Variants in CTNNA2 observed in about 807,000 individuals in gnomAD.
CTNNA2 encodes the protein catenin alpha-2.
Under a neutral mutation model 101.0 loss-of-function variants are expected in CTNNA2, and 42 were observed. That is an observed-to-expected ratio of 0.42 (90% confidence interval 0.32 to 0.54). CTNNA2 has a LOEUF of 0.54. CTNNA2 is among the 20% of genes least tolerant of loss of function. The pLI is 0.14. For synonymous variants in CTNNA2, 450 were observed against 456.4 expected, an observed-to-expected ratio of 0.99 and a Z score of 0.18; for missense variants, 871 against 1,223.1, an observed-to-expected ratio of 0.71 and a Z score of 4.29.
chr2:79,206,561 CT>C (rs1475461845), intron 2 of CTNNA2, among the ~76,000 whole-genome samples: 1 of 152,134 alleles, frequency 6.6e-6, no homozygotes, highest in Non-Finnish European at 1.5e-5. Flanking sequence ...ACCATTTTGA[CT>C]TCTGAATATT....
At chr2:79,293,148 G>C (rs1441812240) in intron 2 of CTNNA2, 2 of 152,190 alleles carry the variant, frequency 1.3e-5, no homozygotes, top group East Asian at 3.9e-4. Flanking sequence ...TGAGCTCTCA[G>C]AGCTGACCTC....
chr2:80,148,277 A>G (rs1232973648), intron 7 of CTNNA2, among the ~76,000 whole-genome samples: 1 of 152,236 alleles, frequency 6.6e-6, no homozygotes, highest in Non-Finnish European at 1.5e-5. Context: ...GGGGGTTACA[A>G]AAGTAGCATC....
chr2:80,019,366 T>C (rs936984972), intron 7 of CTNNA2, among the ~76,000 whole-genome samples: 1 of 152,162 alleles, frequency 6.6e-6, no homozygotes, highest in Non-Finnish European at 1.5e-5. Context: ...CAAGTATTAG[T>C]TTATTAAGGA....
At chr2:80,259,192 G>A (rs1351548521) in intron 7 of CTNNA2, among the ~76,000 whole-genome samples, 1 of 152,128 alleles carries the variant, frequency 6.6e-6, no homozygotes, top group African/African-American at 2.4e-5. Flanking sequence ...GCTGCTATGA[G>A]TAGCATTATG....
chr2:79,465,720 A>G (rs906770199), intron 4 of CTNNA2, among the ~76,000 whole-genome samples: 1 of 152,102 alleles, frequency 6.6e-6, no homozygotes, highest in Non-Finnish European at 1.5e-5. Flanking sequence ...TTGGATTCCT[A>G]GATATTTTAT....
intron 4 of CTNNA2, among the ~76,000 whole-genome samples, chr2:79,411,137 G>A (rs541335691): frequency 2.6e-5 from 4 of 152,008 alleles, no homozygotes; most frequent in South Asian, 2.1e-4. Flanking sequence ...CTGTGGGATC[G>A]GTGGTGATAT....
intron 9 of CTNNA2, among the ~76,000 whole-genome samples, chr2:80,445,178 T>G (rs1682965591): frequency 6.6e-6 from 1 of 152,026 alleles, no homozygotes; most frequent in South Asian, 2.1e-4. Flanking sequence ...TTTTTAATTT[T>G]TATTTATTTA....
chr2:79,763,220 T>TA, intron 3 of CTNNA2, among the ~76,000 whole-genome samples: 1 of 152,234 alleles, frequency 6.6e-6, no homozygotes, highest in South Asian at 2.1e-4. Context: ...AAAATGAAGT[T>TA]ATAAACTAAA....
chr2:79,569,752 G>T (rs1363070653), intron 1 of CTNNA2, among the ~76,000 whole-genome samples: 1 of 152,080 alleles, frequency 6.6e-6, no homozygotes, highest in African/African-American at 2.4e-5. Context: ...ACATATGTAG[G>T]CTCAGGCTTT....
chr2:80,213,465 T>C (rs1161163416), intron 7 of CTNNA2, among the ~76,000 whole-genome samples: 6 of 152,248 alleles, frequency 3.9e-5, no homozygotes, highest in Non-Finnish European at 8.8e-5. Flanking sequence ...CTTCATTTCA[T>C]TATGTACCCA....
intron 2 of CTNNA2, among the ~76,000 whole-genome samples, chr2:79,662,508 G>T (rs1682107284): frequency 6.6e-6 from 1 of 152,050 alleles, no homozygotes; most frequent in African/African-American, 2.4e-5. Flanking sequence ...TAACAAAATT[G>T]CTTTTAACTA....
In CTNNA2 at chr2:79,842,799, C is replaced by G. The variant is rs929192387; in HGVS notation, c.299-15214C>G. ...AAGTGCTTAGTATTTTGCCTGGTATCTACTAAGTACATTATAAAAGACAGC... is the reference window on the plus strand; with the variant it reads ...AAGTGCTTAGTATTTTGCCTGGTATGTACTAAGTACATTATAAAAGACAGC... On this transcript the variant is annotated intron_variant, in intron 3 of 18. Transcript: ENST00000402739. 4.6e-5 allele frequency among the ~76,000 whole-genome samples: 7 copies of G among 151,814 alleles called. No homozygotes were observed. In the East Asian group the frequency reaches 1.4e-3, roughly 29 times the overall value.
intron 4 of CTNNA2, among the ~76,000 whole-genome samples, chr2:79,381,739 A>G (rs541313818): frequency 6.6e-6 from 1 of 152,300 alleles, no homozygotes; most frequent in African/African-American, 2.4e-5. Flanking sequence ...GTGATCATTC[A>G]AAGCTCTCTG....
Position 80,265,556 on chromosome 2 carries a change from C to T in CTNNA2, c.1057-127655C>T, listed in dbSNP as rs1672944840. ...ATGATCAGAGTATAGTCTTGAGACC[C>T]TTCCCAAACCTGAGAGGTGACATAG... On this transcript the variant is annotated intron_variant, in intron 7 of 18. Coordinates refer to ENST00000402739, the MANE Select transcript of CTNNA2 (RefSeq NM_001282597.3). Among the ~76,000 whole-genome samples, 3 of 152,158 alleles carry T rather than the reference C, an allele frequency of 2.0e-5. No homozygotes were observed. In the South Asian group the frequency reaches 6.2e-4, roughly 32 times the overall value.
intron 1 of CTNNA2, among the ~76,000 whole-genome samples, chr2:79,631,456 A>G (rs1306713130): frequency 6.6e-6 from 1 of 152,156 alleles, no homozygotes; most frequent in African/African-American, 2.4e-5. Context: ...GCAGTACCTT[A>G]GTATTTATTG....
chr2:80,198,225 C>T lies in CTNNA2; in HGVS notation c.1057-194986C>T, dbSNP rs141004704. 3.2e-4 allele frequency among the ~76,000 whole-genome samples: 49 copies of T among 152,220 alleles called. No individual in the cohort carries two copies. In the East Asian group the frequency reaches 7.6e-3, roughly 23 times the overall value. On this transcript the variant is annotated intron_variant, in intron 7 of 18. Transcript: ENST00000402739. ...AGTATGACACCAGAGCACCTAAGGA[C>T]GCCTCAGGAAGTGAGCTCACCAGTT...
chr2:79,422,145 G>A (rs994433018), intron 4 of CTNNA2, among the ~76,000 whole-genome samples: 1 of 152,050 alleles, frequency 6.6e-6, no homozygotes, highest in Non-Finnish European at 1.5e-5. Context: ...GGAGTAAGAC[G>A]CTGTCTCAAA....
intron 9 of CTNNA2, among the ~76,000 whole-genome samples, chr2:80,467,772 G>T (rs568165832): frequency 6.6e-6 from 1 of 152,226 alleles, no homozygotes; most frequent in Non-Finnish European, 1.5e-5. Flanking sequence ...TTATGAATGG[G>T]ATTAGTATCC....
chr2:79,356,160 A>G (rs1290140526), intron 3 of CTNNA2, among the ~76,000 whole-genome samples: 2 of 151,660 alleles, frequency 1.3e-5, no homozygotes, highest in African/African-American at 4.8e-5. Context: ...ATGGGTGTGA[A>G]GTGGTATTAT....
Sources: gnomAD v4.1 joint callset for allele counts (sites outside exome capture counted in the v4.1 genomes callset) on GRCh38, gnomAD v4.1.1 for gene constraint, MANE v1.5 for transcripts, NCBI Gene and HGNC (gene_info 2026-07-23, HGNC 2026-07-21) for gene names.